Variants in KLF12 observed in about 807,000 individuals in gnomAD.
KLF12 encodes the protein Krueppel-like factor 12.
KLF12 carries 9 observed loss-of-function variants against 37.8 expected under a neutral mutation model. The ratio of observed to expected loss-of-function variants is 0.24; its 90% CI spans 0.14 to 0.42. KLF12 has a LOEUF of 0.42. Among genes scored for constraint, KLF12 ranks in the 10% least tolerant of loss-of-function variants. The pLI is 1.00. For missense variants in KLF12, 411 were observed against 516.0 expected (o/e 0.80, Z 1.97); for synonymous variants, 208 against 202.1 (o/e 1.03, Z -0.25).
At chr13:74,113,954 G>A (rs973079323) in intron 1 of KLF12, among the ~76,000 whole-genome samples, 19 of 152,280 alleles carry the variant, frequency 1.2e-4, no homozygotes, top group South Asian at 4.2e-4. Flanking sequence ...CAACCCTCAC[G>A]GATGACTTGG....
chr13:73,848,857 C>T (rs1268685221), intron 3 of KLF12, among the ~76,000 whole-genome samples: 1 of 152,080 alleles, frequency 6.6e-6, no homozygotes, highest in Admixed American at 6.5e-5. Context: ...CAGAGACAGA[C>T]GCTGGTCCTT....
intron 1 of KLF12, among the ~76,000 whole-genome samples, chr13:74,072,387 A>ATCTATATC (rs1566198780): frequency 7.6e-6 from 1 of 130,874 alleles, no homozygotes; most frequent in African/African-American, 2.7e-5. Flanking sequence ...ATATATATAT[A>ATCTATATC]TATATATATA....
At chr13:73,748,224 G>A (rs928542945) in intron 6 of KLF12, among the ~76,000 whole-genome samples, 7 of 152,118 alleles carry the variant, frequency 4.6e-5, no homozygotes, top group Non-Finnish European at 8.8e-5. Context: ...AGACAAAGTC[G>A]GACTGAAGTG....
intron 5 of KLF12, among the ~76,000 whole-genome samples, chr13:73,777,769 G>A (rs1880707565): frequency 6.6e-6 from 1 of 151,520 alleles, no homozygotes; most frequent in South Asian, 2.1e-4. Context: ...GACTAGAAAT[G>A]AAAAAGACTA....
At chr13:73,789,292 A>G (rs578042424) in intron 5 of KLF12, among the ~76,000 whole-genome samples, 2 of 152,194 alleles carry the variant, frequency 1.3e-5, no homozygotes, top group Non-Finnish European at 2.9e-5. Context: ...GGACTTCACA[A>G]AAGTCCTGCA....
intron 6 of KLF12, among the ~76,000 whole-genome samples, chr13:73,734,958 A>G (rs1427922220): frequency 1.3e-5 from 2 of 151,920 alleles, no homozygotes; most frequent in African/African-American, 4.8e-5. Flanking sequence ...AACAGTTTGG[A>G]GGCCACAGAG....
rs1347008785 is a variant in KLF12, at chr13:73,694,079, A to T, written c.*1411T>A. The T allele has an allele frequency of 6.6e-6, 1 of 152,562 alleles. No individual in the cohort carries two copies. Among genetic ancestry groups the T allele is most frequent in the Non-Finnish European group, 1.5e-5 (1 of 68,028 alleles). The allele number at this position is 152,562 out of a possible 1,614,324, so 9.5% of individuals were successfully genotyped here. A position where few individuals can be genotyped will look rare whatever the true frequency, so the allele number is the denominator to read the frequency against. On this transcript the variant is annotated 3_prime_UTR_variant, in exon 8 of 8. Coordinates refer to ENST00000377669, the MANE Select transcript of KLF12 (RefSeq NM_007249.5). Reference sequence around the variant, plus strand: ...ACCTGGGTCCTGATACAGTTTAGAAAATGAAATCGGTATAGAAGAACCTAT... The same window carrying T: ...ACCTGGGTCCTGATACAGTTTAGAATATGAAATCGGTATAGAAGAACCTAT...
chr13:73,845,940 A>G lies in KLF12; in HGVS notation c.557T>C (p.Ile186Thr). Reference sequence around the variant, plus strand: ...AGGCACCGACTGTACCACCACGGGGATGCGGTGAACATGACTCAGTTTGTT... The same window carrying G: ...AGGCACCGACTGTACCACCACGGGGGTGCGGTGAACATGACTCAGTTTGTT... The change falls in exon 4 of 8, where the codon ATC (isoleucine) becomes ACC (threonine). Residue 186 changes from isoleucine to threonine, a missense_variant. Physicochemically the swap from Ile to Thr is moderately conservative, Grantham distance 89 (BLOSUM62 -1). Coordinates refer to ENST00000377669, the MANE Select transcript of KLF12 (RefSeq NM_007249.5). The G allele has an allele frequency of 1.2e-6, 2 of 1,614,066 alleles. No homozygotes were observed. The highest frequency in any genetic ancestry group is 1.7e-6 in the Non-Finnish European group (2 of 1,179,938).
chr13:74,180,592 A>C, the KLF12 span, among the ~76,000 whole-genome samples: 1 of 152,172 alleles, frequency 6.6e-6, no homozygotes, highest in African/African-American at 2.4e-5. Context: ...AACTCTAATG[A>C]CTTGACAGCA....
chr13:73,888,366 A>C lies in KLF12; in HGVS notation c.124-41993T>G, dbSNP rs1203769273. Among the ~76,000 whole-genome samples, 3 of 152,190 alleles carry C rather than the reference A, an allele frequency of 2.0e-5. No individual in the cohort carries two copies. The East Asian group carries it at 5.8e-4, about 29-fold the overall frequency. On this transcript the variant is annotated intron_variant, in intron 3 of 7. Transcript: ENST00000377669. ...ACTGAAATAACTTTAGGTTACTTCT[A>C]ATATTTTTATTACAATAGTCCAGCT...
chr13:74,180,654 T>A, the KLF12 span, among the ~76,000 whole-genome samples: 4 of 152,226 alleles, frequency 2.6e-5, no homozygotes, highest in African/African-American at 9.6e-5. Flanking sequence ...ATGTACCAAC[T>A]CAGCACACTT....
the KLF12 span, among the ~76,000 whole-genome samples, chr13:74,248,444 C>T: frequency 6.6e-6 from 1 of 152,156 alleles, no homozygotes; most frequent in African/African-American, 2.4e-5. Flanking sequence ...TAAAAGTAAG[C>T]TTCATATGTT....
intron 1 of KLF12, among the ~76,000 whole-genome samples, chr13:74,001,765 T>C (rs1892287124): frequency 6.6e-6 from 1 of 152,238 alleles, no homozygotes; most frequent in African/African-American, 2.4e-5. Flanking sequence ...AAACAAATAT[T>C]TATTAAATTG....
the KLF12 span, among the ~76,000 whole-genome samples, chr13:74,200,722 T>C: frequency 2.0e-5 from 3 of 152,086 alleles, no homozygotes; most frequent in South Asian, 4.2e-4. Flanking sequence ...GAATTCAATG[T>C]CATAGAGAGT....
intron 6 of KLF12, among the ~76,000 whole-genome samples, chr13:73,763,436 A>G (rs1879698373): frequency 6.6e-6 from 1 of 152,194 alleles, no homozygotes; most frequent in South Asian, 2.1e-4. Flanking sequence ...TTGCTGAATA[A>G]ATAAAAGTTG....
At chr13:73,889,174 G>A (rs1462923581) in intron 3 of KLF12, among the ~76,000 whole-genome samples, 2 of 152,116 alleles carry the variant, frequency 1.3e-5, no homozygotes, top group Non-Finnish European at 2.9e-5. Context: ...GACACAGAAA[G>A]CCAGAAAACA....
chr13:74,164,480 A>T, the KLF12 span, among the ~76,000 whole-genome samples: 1 of 152,204 alleles, frequency 6.6e-6, no homozygotes, highest in Non-Finnish European at 1.5e-5. Flanking sequence ...GCTTAATGTA[A>T]CTGGATTTGT....
intron 3 of KLF12, among the ~76,000 whole-genome samples, chr13:73,903,629 T>C (rs1290018019): frequency 6.6e-6 from 1 of 152,190 alleles, no homozygotes; most frequent in African/African-American, 2.4e-5. Context: ...GTTCATGCCC[T>C]AGAAGTATCA....
At chr13:73,822,029 C>T (rs1194764650) in intron 4 of KLF12, among the ~76,000 whole-genome samples, 1 of 152,148 alleles carries the variant, frequency 6.6e-6, no homozygotes, top group East Asian at 1.9e-4. Flanking sequence ...GGGGAGACCA[C>T]GTCAATTATA....
Sources: gnomAD v4.1 joint callset for allele counts (sites outside exome capture counted in the v4.1 genomes callset) on GRCh38, gnomAD v4.1.1 for gene constraint, MANE v1.5 for transcripts, NCBI Gene and HGNC (gene_info 2026-07-23, HGNC 2026-07-21) for gene names.